The following LMO2 variants were observed in gnomAD, a reference collection of about 807,000 sequenced individuals.
The protein encoded by LMO2 is LIM domain only 2.
In LMO2, 20 loss-of-function variants were observed where a neutral mutation model predicts 23.2. That is an observed-to-expected ratio of 0.86 (90% CI 0.61 to 1.25). LMO2 has a LOEUF of 1.25. Among genes scored for constraint, LMO2 ranks in the 50% most tolerant of loss-of-function variants. LMO2 has a pLI of 0.00. For missense variants in LMO2, 270 were observed against 315.3 expected (o/e 0.86, Z 1.09); for synonymous variants, 123 against 130.2 (o/e 0.94, Z 0.38).
At chr11:33,884,763 A>T (rs1857366162) in intron 1 of LMO2, among the ~76,000 whole-genome samples, 1 of 152,136 alleles carries the variant, frequency 6.6e-6, no homozygotes, top group African/African-American at 2.4e-5. Flanking sequence ...TGCAATATTT[A>T]TCCACGTCCA....
At chr11:33,875,447 T>C (rs185548305) in intron 2 of LMO2, among the ~76,000 whole-genome samples, 1 of 151,938 alleles carries the variant, frequency 6.6e-6, no homozygotes, top group African/African-American at 2.4e-5. Context: ...GCGAGGTGGC[T>C]GACGCCTGTA....
intron 1 of LMO2, 89 bp from the exon 2 acceptor site, chr11:33,881,976 G>C (rs1432026578): frequency 6.5e-6 from 1 of 152,750 alleles, no homozygotes; most frequent in African/African-American, 2.4e-5. Flanking sequence ...TCTTCAGTTA[G>C]AGAAATGTTT....
intron 2 of LMO2, chr11:33,870,942 C>G (rs547267060): frequency 6.2e-6 from 3 of 482,316 alleles, no homozygotes; most frequent in Non-Finnish European, 8.1e-6. Flanking sequence ...AACTTAGGCT[C>G]TCCTGGGCCT....
chr11:33,882,839 G>C (rs1049860825), intron 1 of LMO2, among the ~76,000 whole-genome samples: 1 of 152,150 alleles, frequency 6.6e-6, no homozygotes, highest in African/African-American at 2.4e-5. Context: ...CTGCATAAAT[G>C]TAGGAGACGG....
intron 2 of LMO2, among the ~76,000 whole-genome samples, chr11:33,876,600 A>T (rs1286932757): frequency 6.6e-6 from 1 of 152,188 alleles, no homozygotes; most frequent in Non-Finnish European, 1.5e-5. Flanking sequence ...TTGGTTTGGG[A>T]AAGAGATCAG....
chr11:33,882,765 A>G (rs1857316215), intron 1 of LMO2, among the ~76,000 whole-genome samples: 1 of 152,236 alleles, frequency 6.6e-6, no homozygotes, highest in Non-Finnish European at 1.5e-5. Context: ...CAGTAATATT[A>G]TTCCAATTTT....
At chr11:33,882,446 A>G (rs1432998384) in intron 1 of LMO2, among the ~76,000 whole-genome samples, 1 of 152,246 alleles carries the variant, frequency 6.6e-6, no homozygotes, top group Non-Finnish European at 1.5e-5. Flanking sequence ...AATCTCAAAC[A>G]TGCCTAAACT....
intron 2 of LMO2, among the ~76,000 whole-genome samples, chr11:33,879,797 A>G (rs868596488): frequency 6.6e-6 from 1 of 152,182 alleles, no homozygotes; most frequent in Non-Finnish European, 1.5e-5. Context: ...CAAAACTACA[A>G]TGAGATACTA....
chr11:33,882,096 G>A (rs1419801311), intron 1 of LMO2, among the ~76,000 whole-genome samples: 2 of 152,188 alleles, frequency 1.3e-5, no homozygotes, highest in Non-Finnish European at 1.5e-5. Context: ...GCATCAGGGC[G>A]CAGGGATGGA....
At chr11:33,866,779 G>A (rs1856801709) in intron 4 of LMO2, among the ~76,000 whole-genome samples, 1 of 152,156 alleles carries the variant, frequency 6.6e-6, no homozygotes, top group Non-Finnish European at 1.5e-5. Flanking sequence ...CCGAATAGCT[G>A]GGATTACAGG....
intron 4 of LMO2, among the ~76,000 whole-genome samples, chr11:33,868,908 G>T (rs908203426): frequency 4.6e-5 from 7 of 152,348 alleles, no homozygotes; most frequent in African/African-American, 1.7e-4. Context: ...GGACCCCGGA[G>T]GCCGCCACTT....
chr11:33,865,048 A>G (rs1856732398), intron 4 of LMO2: 1 of 584,208 alleles, frequency 1.7e-6, no homozygotes. Context: ...AAGTAAACAC[A>G]GGGCACCAAG....
intron 2 of LMO2, among the ~76,000 whole-genome samples, chr11:33,873,976 CTTTTT>C (rs11358602): frequency 1.3e-5 from 2 of 151,594 alleles, no homozygotes; most frequent in Non-Finnish European, 2.9e-5. Context: ...ATTTACCTCT[CTTTTT>C]TTTTCAACCA....
At position 33,867,727 on chromosome 11, in the gene LMO2, T is replaced by C. The variant is rs148231148; in HGVS notation, c.248+1619A>G. 1.2e-4 allele frequency among the ~76,000 whole-genome samples: 18 copies of C among 152,350 alleles called. No individual in the cohort carries two copies. In the East Asian group the frequency reaches 3.1e-3, roughly 26 times the overall value. On this transcript the variant is annotated intron_variant, in intron 4 of 5. Transcript: ENST00000257818. Reference sequence around the variant, plus strand: ...CTCCAGCAGTAGATATCTGTTGTATTAGGAAGTTAGGATGTTTCAGTTTCT... The same window carrying C: ...CTCCAGCAGTAGATATCTGTTGTATCAGGAAGTTAGGATGTTTCAGTTTCT...
chr11:33,887,756 T>C (rs970349603), intron 1 of LMO2, among the ~76,000 whole-genome samples: 1 of 152,122 alleles, frequency 6.6e-6, no homozygotes, highest in African/African-American at 2.4e-5. Flanking sequence ...TTGCTTTTTG[T>C]AGAGATGGGG....
At chr11:33,873,942 T>C (rs1857080624) in intron 2 of LMO2, among the ~76,000 whole-genome samples, 1 of 152,230 alleles carries the variant, frequency 6.6e-6, no homozygotes, top group Non-Finnish European at 1.5e-5. Context: ...CAAATATAAT[T>C]GAGAAGATCC....
chr11:33,866,008 C>T (rs1856769695), intron 4 of LMO2, among the ~76,000 whole-genome samples: 1 of 152,116 alleles, frequency 6.6e-6, no homozygotes, highest in African/African-American at 2.4e-5. Context: ...TGTAAAATTC[C>T]CAAAGGGAGT....
rs758994740 is a variant in LMO2 at position 33,880,787 on chromosome 11, G to A, written c.-272+1037C>T. The A allele has an allele frequency of 3.3e-5, 6 of 180,388 alleles. No homozygotes were observed. The South Asian group carries it at 6.6e-4, about 20-fold the overall frequency. 11.2% of individuals were successfully genotyped at this position (180,388 alleles called of 1,614,324 possible). On this transcript the variant is annotated intron_variant, in intron 2 of 5. Coordinates refer to ENST00000257818, the MANE Select transcript of LMO2 (RefSeq NM_005574.4). This position sits in a 1 kb window ranked among gnomAD's most constrained non-coding sequence, Gnocchi z 4.3. ...TTACATATTGTTCCAGGGAGCTCAC[G>A]GTCTTCTCAGGTTCATCTGTGGAAC... is the stretch of plus-strand genomic sequence containing the variant.
intron 2 of LMO2, among the ~76,000 whole-genome samples, chr11:33,871,920 C>T (rs1330773850): frequency 6.6e-6 from 1 of 152,110 alleles, no homozygotes; most frequent in Non-Finnish European, 1.5e-5. Context: ...TGGATTCTAA[C>T]CCATCCTTGA....
Sources: allele counts gnomAD v4.1 joint callset (sites outside exome capture counted in the v4.1 genomes callset), GRCh38; gene constraint gnomAD v4.1.1; non-coding constraint Gnocchi (gnomAD v3.1); transcripts MANE v1.5; gene names NCBI Gene and HGNC (gene_info 2026-07-23, HGNC 2026-07-21).